Variants in SLC2A13 observed in about 807,000 individuals in gnomAD.
The protein encoded by SLC2A13 is proton myo-inositol cotransporter.
A neutral mutation model predicts 64.4 loss-of-function variants in SLC2A13; 32 were observed. The observed-to-expected ratio is 0.50, with a 90% CI of 0.37 to 0.67. The LOEUF is 0.67. SLC2A13 is among the 30% of genes least tolerant of loss of function. The pLI, the probability that SLC2A13 is intolerant of heterozygous loss-of-function variation, is 0.00. For missense variants in SLC2A13, 743 were observed against 829.2 expected, an observed-to-expected ratio of 0.90 and a Z score of 1.28; for synonymous variants, 338 against 327.1, an observed-to-expected ratio of 1.03 and a Z score of -0.36.
chr12:39,979,076 A>T (rs2136143930), intron 3 of SLC2A13, among the ~76,000 whole-genome samples: 1 of 152,020 alleles, frequency 6.6e-6, no homozygotes, highest in East Asian at 1.9e-4. Context: ...GACACCTCAC[A>T]TGGCAGGGTA....
At chr12:39,824,393 G>A (rs1189584791) in intron 7 of SLC2A13, among the ~76,000 whole-genome samples, 2 of 152,194 alleles carry the variant, frequency 1.3e-5, no homozygotes, top group African/African-American at 4.8e-5. Context: ...GCATGAGCCA[G>A]ATTCAATCAG....
chr12:40,051,225 G>A (rs1948247722), intron 1 of SLC2A13, among the ~76,000 whole-genome samples: 1 of 152,200 alleles, frequency 6.6e-6, no homozygotes, highest in Admixed American at 6.5e-5. Flanking sequence ...CAATGACCAG[G>A]TGGTAGTTGG....
rs1940652548 is a variant in SLC2A13 at position 39,773,300 on chromosome 12, CTGAG to C, written c.1446-8446_1446-8443del. On this transcript the variant is annotated intron_variant, in intron 7 of 9. Transcript: ENST00000280871. ...TCAGGTGAAATATGTCTCATTTTGG[CTGAG>C]TGAGAGAACTAATCCTTACCAGCAG... is the stretch of plus-strand genomic sequence containing the variant. Among the ~76,000 whole-genome samples, 3 of 152,126 alleles carry C rather than the reference CTGAG, an allele frequency of 2.0e-5. No homozygotes were observed. In the South Asian group the frequency reaches 6.2e-4, roughly 32 times the overall value.
At chr12:39,927,561 T>G (rs987729918) in intron 4 of SLC2A13, among the ~76,000 whole-genome samples, 3 of 152,200 alleles carry the variant, frequency 2.0e-5, no homozygotes, top group Non-Finnish European at 4.4e-5. Flanking sequence ...TGGTCTACAT[T>G]AGGTTAGAAT....
chr12:39,870,068 T>C (rs192194391), intron 5 of SLC2A13, among the ~76,000 whole-genome samples: 66 of 152,220 alleles, frequency 4.3e-4, no homozygotes, highest in Non-Finnish European at 9.1e-4. Flanking sequence ...CCTACAGAAC[T>C]GATAAGAAAG....
At chr12:39,797,142 T>C (rs1354902062) in intron 7 of SLC2A13, among the ~76,000 whole-genome samples, 1 of 152,212 alleles carries the variant, frequency 6.6e-6, no homozygotes, top group East Asian at 1.9e-4. Flanking sequence ...TTGTTATTTG[T>C]AAAAATTCTG....
intron 2 of SLC2A13, among the ~76,000 whole-genome samples, chr12:40,035,433 A>C (rs1431882327): frequency 6.6e-6 from 1 of 152,222 alleles, no homozygotes; most frequent in Non-Finnish European, 1.5e-5. Context: ...CAGAAAAGAA[A>C]ACATTGCCAC....
At chr12:39,852,830 T>C (rs1481270901) in intron 6 of SLC2A13, among the ~76,000 whole-genome samples, 1 of 152,174 alleles carries the variant, frequency 6.6e-6, no homozygotes, top group Non-Finnish European at 1.5e-5. Context: ...CGGTATAACT[T>C]TGTAACATCA....
At chr12:39,956,755 TTTTA>T (rs1019379413) in intron 3 of SLC2A13, among the ~76,000 whole-genome samples, 12 of 152,172 alleles carry the variant, frequency 7.9e-5, no homozygotes, top group African/African-American at 2.7e-4. Context: ...TTTCTTTTTG[TTTTA>T]TTTATTTATG....
intron 5 of SLC2A13, among the ~76,000 whole-genome samples, chr12:39,870,793 G>A (rs962463952): frequency 6.6e-6 from 1 of 152,174 alleles, no homozygotes; most frequent in Non-Finnish European, 1.5e-5. Flanking sequence ...AGAACAGGAG[G>A]TGAAAGCGTT....
chr12:39,933,871 A>ACTCT (rs1476859983), intron 4 of SLC2A13, among the ~76,000 whole-genome samples: 1 of 152,180 alleles, frequency 6.6e-6, no homozygotes, highest in African/African-American at 2.4e-5. Context: ...TACAAATAAG[A>ACTCT]AAGTTGAGAC....
chr12:39,989,956 GTT>G (rs1030191167), intron 3 of SLC2A13, among the ~76,000 whole-genome samples: 1 of 152,102 alleles, frequency 6.6e-6, no homozygotes, highest in African/African-American at 2.4e-5. Flanking sequence ...CCACACTTGG[GTT>G]TTTTGGCCAC....
intron 3 of SLC2A13, among the ~76,000 whole-genome samples, chr12:39,967,901 CA>C (rs978874736): frequency 2.0e-4 from 30 of 152,178 alleles, no homozygotes; most frequent in African/African-American, 7.2e-4. Flanking sequence ...TACATAACCT[CA>C]AAAAGGTATG....
chr12:40,050,153 T>C (rs537104134), intron 1 of SLC2A13, among the ~76,000 whole-genome samples: 1 of 152,336 alleles, frequency 6.6e-6, no homozygotes, highest in African/African-American at 2.4e-5. Flanking sequence ...TTCTCTTTAG[T>C]TCTTTTACTA....
intron 6 of SLC2A13, among the ~76,000 whole-genome samples, chr12:39,861,248 A>G (rs1157051325): frequency 1.3e-5 from 2 of 152,222 alleles, no homozygotes; most frequent in African/African-American, 2.4e-5. Context: ...TCTAACAATG[A>G]CTGTAATGTT....
At chr12:39,921,676 G>A (rs1421877113) in intron 4 of SLC2A13, among the ~76,000 whole-genome samples, 1 of 152,058 alleles carries the variant, frequency 6.6e-6, no homozygotes, top group East Asian at 1.9e-4. Flanking sequence ...CAGCATTTAA[G>A]CGAAAACTTA....
intron 3 of SLC2A13, among the ~76,000 whole-genome samples, chr12:40,019,430 A>G (rs1372631924): frequency 6.6e-6 from 1 of 152,144 alleles, no homozygotes; most frequent in Non-Finnish European, 1.5e-5. Flanking sequence ...CAGTCTGCAG[A>G]GCAGAACAGG....
intron 3 of SLC2A13, among the ~76,000 whole-genome samples, chr12:40,027,734 T>A (rs975937475): frequency 6.6e-6 from 1 of 152,230 alleles, no homozygotes; most frequent in Non-Finnish European, 1.5e-5. Context: ...ATTGTTATTG[T>A]TGAAAAAATG....
At chr12:39,849,343 G>C (rs1337394428) in intron 6 of SLC2A13, among the ~76,000 whole-genome samples, 2 of 152,144 alleles carry the variant, frequency 1.3e-5, no homozygotes, top group Non-Finnish European at 2.9e-5. Flanking sequence ...TACTTGGACA[G>C]CATGAAAGGT....
Sources: gnomAD v4.1 joint callset for allele counts (sites outside exome capture counted in the v4.1 genomes callset) on GRCh38, gnomAD v4.1.1 for gene constraint, MANE v1.5 for transcripts, NCBI Gene and HGNC (gene_info 2026-07-23, HGNC 2026-07-21) for gene names.